ZNF385D: variants seen among roughly 807,000 people sequenced by gnomAD.
The protein encoded by ZNF385D is zinc finger protein 659.
A neutral mutation model predicts 35.8 loss-of-function variants in ZNF385D; 15 were observed. That is an observed-to-expected ratio of 0.42 (90% CI 0.28 to 0.64). The LOEUF is 0.64. ZNF385D is among the 30% of genes least tolerant of loss of function. ZNF385D has a pLI of 0.23. For synonymous variants in ZNF385D, 212 were observed against 186.8 expected (o/e 1.13, Z -1.10); for missense variants, 474 against 494.6 (o/e 0.96, Z 0.39).
At chr3:21,802,260 A>G (rs1438817960) in intron 3 of ZNF385D, among the ~76,000 whole-genome samples, 1 of 152,222 alleles carries the variant, frequency 6.6e-6, no homozygotes, top group Non-Finnish European at 1.5e-5. Flanking sequence ...GTTTCCAAAA[A>G]AAGTGGGGAA....
rs115580729 is a variant in ZNF385D at position 21,713,850 on chromosome 3, A to T, written c.22+37045T>A. 5.4e-3 allele frequency among the ~76,000 whole-genome samples: 826 copies of T among 152,232 alleles called. 6 individuals are homozygous for T. The highest frequency in any genetic ancestry group is 0.012 in the African/African-American group (496 of 41,544). ...CAGTTTCAAACATCCTATTCTTCAA[A>T]CACCACCTTTTTTAAAGTTTACATG... On this transcript the variant is annotated intron_variant, in intron 1 of 7. Transcript: ENST00000281523.
chr3:21,454,892 C>A (rs1702694885), intron 4 of ZNF385D, among the ~76,000 whole-genome samples: 1 of 152,160 alleles, frequency 6.6e-6, no homozygotes, highest in South Asian at 2.1e-4. Flanking sequence ...TCAGCAAAGT[C>A]TCAGGATACA....
intron 3 of ZNF385D, among the ~76,000 whole-genome samples, chr3:22,026,312 A>G (rs2125465915): frequency 6.6e-6 from 1 of 152,212 alleles, no homozygotes; most frequent in Admixed American, 6.5e-5. Context: ...CCCCTTGAGA[A>G]AGGACCCCCC....
At chr3:21,863,120 A>T (rs764424074) in intron 3 of ZNF385D, among the ~76,000 whole-genome samples, 7 of 152,196 alleles carry the variant, frequency 4.6e-5, no homozygotes, top group Non-Finnish European at 1.0e-4. Flanking sequence ...GGCCAGTAGC[A>T]TAAAATCATG....
At chr3:22,177,530 G>T (rs759018535) in intron 2 of ZNF385D, among the ~76,000 whole-genome samples, 1 of 152,142 alleles carries the variant, frequency 6.6e-6, no homozygotes, top group Non-Finnish European at 1.5e-5. Flanking sequence ...CAATACCCTA[G>T]TTCTCTGTGA....
chr3:21,909,991 A>G (rs1320468695), intron 3 of ZNF385D, among the ~76,000 whole-genome samples: 3 of 152,006 alleles, frequency 2.0e-5, no homozygotes, highest in African/African-American at 7.2e-5. Flanking sequence ...GAAAAACAGT[A>G]TAAACTGCTT....
intron 1 of ZNF385D, among the ~76,000 whole-genome samples, chr3:21,682,838 A>G (rs1246684945): frequency 6.7e-6 from 1 of 150,010 alleles, no homozygotes; most frequent in Non-Finnish European, 1.5e-5. Flanking sequence ...GAAAGCAGCC[A>G]TAGACAGTAT....
chr3:21,732,007 C>A (rs1355560689), intron 1 of ZNF385D, among the ~76,000 whole-genome samples: 2 of 111,686 alleles, frequency 1.8e-5, no homozygotes, highest in Non-Finnish European at 1.8e-5. Flanking sequence ...AGCTTCTATT[C>A]AGGGTTTTTT....
At chr3:22,234,990 C>A (rs1280981715) in intron 2 of ZNF385D, among the ~76,000 whole-genome samples, 1 of 151,884 alleles carries the variant, frequency 6.6e-6, no homozygotes, top group South Asian at 2.1e-4. Context: ...GTTTTTATTT[C>A]ATTATATATA....
At chr3:21,569,072 T>C (rs534056948) in intron 2 of ZNF385D, among the ~76,000 whole-genome samples, 55 of 152,320 alleles carry the variant, frequency 3.6e-4, no homozygotes, top group African/African-American at 1.2e-3. Flanking sequence ...TAGATGTCTA[T>C]TAGGTCCGCT....
At chr3:22,293,332 C>T (rs1051972994) in intron 2 of ZNF385D, among the ~76,000 whole-genome samples, 2 of 152,044 alleles carry the variant, frequency 1.3e-5, no homozygotes, top group African/African-American at 4.8e-5. Context: ...TTAGTGATCC[C>T]ATGAATTCCT....
chr3:21,751,456 G>A, upstream of ZNF385D: 1 of 986,588 alleles, frequency 1.0e-6, no homozygotes, highest in Non-Finnish European at 1.2e-6. Flanking sequence ...CGTGGTTAAG[G>A]CGAGTTCTGC....
At chr3:21,580,467 AAT>A (rs2063622485) in intron 2 of ZNF385D, among the ~76,000 whole-genome samples, 1 of 152,176 alleles carries the variant, frequency 6.6e-6, no homozygotes, top group African/African-American at 2.4e-5. Context: ...GAACCATATA[AAT>A]GATTATCCCA....
chr3:22,044,571 G>A (rs754776966), intron 3 of ZNF385D, among the ~76,000 whole-genome samples: 4 of 152,094 alleles, frequency 2.6e-5, no homozygotes, highest in Non-Finnish European at 4.4e-5. Flanking sequence ...TTATGTTTTG[G>A]AGAAGGGAGA....
At chr3:22,017,978 A>C (rs35519420) in intron 3 of ZNF385D, among the ~76,000 whole-genome samples, 14,414 of 151,912 alleles carry the variant, frequency 0.095, 980 homozygotes, top group South Asian at 0.19. Flanking sequence ...GTTAATCTTA[A>C]AATATCTTCA....
chr3:22,179,752 C>G (rs867307674), intron 2 of ZNF385D, among the ~76,000 whole-genome samples: 1 of 152,094 alleles, frequency 6.6e-6, no homozygotes, highest in Non-Finnish European at 1.5e-5. Context: ...AACAAAGACA[C>G]AACATACCAG....
At chr3:22,136,185 A>G (rs1704091982) in intron 3 of ZNF385D, among the ~76,000 whole-genome samples, 1 of 152,160 alleles carries the variant, frequency 6.6e-6, no homozygotes, top group Admixed American at 6.5e-5. Flanking sequence ...GGAGTTTGAG[A>G]CCAGCCTGGG....
At chr3:21,934,798 G>A (rs1227589781) in intron 3 of ZNF385D, among the ~76,000 whole-genome samples, 1 of 152,174 alleles carries the variant, frequency 6.6e-6, no homozygotes, top group Non-Finnish European at 1.5e-5. Context: ...TAACAGATGA[G>A]CTTGTTTTGC....
intron 3 of ZNF385D, among the ~76,000 whole-genome samples, chr3:21,920,081 G>A (rs1364066646): frequency 1.3e-5 from 2 of 152,168 alleles, no homozygotes; most frequent in East Asian, 3.9e-4. Context: ...TGGTATAGTG[G>A]TTTTTAAATT....
Sources: gnomAD v4.1 joint callset for allele counts (sites outside exome capture counted in the v4.1 genomes callset) on GRCh38, gnomAD v4.1.1 for gene constraint, MANE v1.5 for transcripts, NCBI Gene and HGNC (gene_info 2026-07-23, HGNC 2026-07-21) for gene names.